STX18: variants seen among roughly 807,000 people sequenced by gnomAD.
STX18 encodes the protein syntaxin-18.
A neutral mutation model predicts 50.1 loss-of-function variants in STX18; 40 were observed. That is an observed-to-expected ratio of 0.80 (90% confidence interval 0.62 to 1.04). The LOEUF is 1.04. STX18 is among the 50% of genes least tolerant of loss of function. The pLI, the probability that STX18 is intolerant of heterozygous loss-of-function variation, is 0.00. For synonymous variants in STX18, 158 were observed against 151.8 expected, an observed-to-expected ratio of 1.04 and a Z score of -0.30; for missense variants, 410 against 415.8, an observed-to-expected ratio of 0.99 and a Z score of 0.12.
intron 1 of STX18, among the ~76,000 whole-genome samples, chr4:4,502,963 C>T (rs932209041): frequency 4.6e-5 from 7 of 152,156 alleles, no homozygotes; most frequent in African/African-American, 1.7e-4. Context: ...CAAAACAACG[C>T]TCAGAAATCC....
intron 9 of STX18, among the ~76,000 whole-genome samples, chr4:4,423,116 T>C (rs1044225481): frequency 1.6e-4 from 25 of 152,350 alleles, no homozygotes; most frequent in African/African-American, 5.5e-4. Flanking sequence ...TCGTGCTGGA[T>C]GCTTCTGCAG....
rs541587766 is a variant in STX18, at chr4:4,471,620, T to TA, written c.236+18dup. ...AAGAACACAGTCACCAAAGTCCTGGTAAAAAAATATGTACTTACCTATAAG... is the reference window on the plus strand; with the variant it reads ...AAGAACACAGTCACCAAAGTCCTGGTAAAAAAAATATGTACTTACCTATAAG... On this transcript the variant is annotated intron_variant, in intron 2 of 10. Transcript: ENST00000306200. The TA allele has an allele frequency of 1.4e-3, 2,182 of 1,512,998 alleles. 2 individuals are homozygous for TA. The highest frequency in any genetic ancestry group is 1.9e-3 in the Non-Finnish European group (2,096 of 1,127,272). The allele number at this position is 1,512,998 out of a possible 1,614,324, so 93.7% of individuals were successfully genotyped here.
intron 5 of STX18, among the ~76,000 whole-genome samples, 183 bp downstream of exon 5, chr4:4,457,008 G>A (rs1727111946): frequency 6.6e-6 from 1 of 152,142 alleles, no homozygotes; most frequent in Non-Finnish European, 1.5e-5. Flanking sequence ...GGTTTGTTGT[G>A]GGCCAATAAA....
chr4:4,475,261 G>C (rs1455867570), intron 1 of STX18, among the ~76,000 whole-genome samples: 1 of 152,180 alleles, frequency 6.6e-6, no homozygotes, highest in Non-Finnish European at 1.5e-5. Context: ...TATTAAAACA[G>C]AGTGCAGGTG....
At chr4:4,520,600 A>G (rs549602908) in intron 1 of STX18, among the ~76,000 whole-genome samples, 139 of 152,358 alleles carry the variant, frequency 9.1e-4, no homozygotes, top group African/African-American at 3.1e-3. Flanking sequence ...TCTTGAAGTT[A>G]AAGTTTTGTA....
intron 6 of STX18, among the ~76,000 whole-genome samples, chr4:4,435,873 C>T (rs11944031): frequency 2.3e-4 from 35 of 152,230 alleles, no homozygotes; most frequent in African/African-American, 7.5e-4. Flanking sequence ...CCCAGGATGA[C>T]GGTAAGAGGT....
chr4:4,470,307 T>C (rs1200993041), intron 2 of STX18, among the ~76,000 whole-genome samples: 2 of 152,144 alleles, frequency 1.3e-5, no homozygotes, highest in African/African-American at 4.8e-5. Context: ...GCAATACTCC[T>C]CTTCCTAGTT....
intron 1 of STX18, among the ~76,000 whole-genome samples, chr4:4,500,763 C>T (rs541306654): frequency 2.3e-4 from 35 of 152,286 alleles, no homozygotes; most frequent in East Asian, 9.6e-4. Flanking sequence ...TGGCCAGGCA[C>T]GGTGGCTCAC....
chr4:4,489,985 T>C (rs1728872128), intron 1 of STX18, among the ~76,000 whole-genome samples: 1 of 152,120 alleles, frequency 6.6e-6, no homozygotes, highest in Non-Finnish European at 1.5e-5. Flanking sequence ...CCTTTAACAG[T>C]TTTTCAGACA....
intron 1 of STX18, among the ~76,000 whole-genome samples, chr4:4,523,655 G>A (rs1434905302): frequency 6.6e-6 from 1 of 152,118 alleles, no homozygotes; most frequent in Non-Finnish European, 1.5e-5. Context: ...ATAGTAACGA[G>A]CTGAGTTCAG....
rs114468270 is a variant in STX18, at chr4:4,440,615, A to G, written c.498-2106T>C. Among the ~76,000 whole-genome samples, 1,049 of 152,352 alleles carry G rather than the reference A, an allele frequency of 6.9e-3. 12 individuals carry two copies. The highest frequency in any genetic ancestry group is 0.023 in the African/African-American group (976 of 41,580). On this transcript the variant is annotated intron_variant, in intron 5 of 10. Coordinates refer to ENST00000306200, the MANE Select transcript of STX18 (RefSeq NM_016930.4). ...ACTATATAAGTTTTCAGAGCCTTTA[A>G]TATGCTCAAATACATTTTGAATTTC... is the stretch of plus-strand genomic sequence containing the variant.
chr4:4,457,537 T>C (rs773738573), intron 3 of STX18, 37 bp from the exon 4 acceptor site: 3 of 1,502,318 alleles, frequency 2.0e-6, no homozygotes, highest in Non-Finnish European at 2.8e-6. Flanking sequence ...GCCTTCGCAC[T>C]CAATTATCCT....
chr4:4,445,781 T>C (rs972425891), intron 5 of STX18, among the ~76,000 whole-genome samples: 1 of 152,234 alleles, frequency 6.6e-6, no homozygotes, highest in Admixed American at 6.5e-5. Context: ...AAATTCAACA[T>C]AATCCCTATA....
At chr4:4,467,121 G>C (rs1170368980) in intron 2 of STX18, among the ~76,000 whole-genome samples, 6 of 152,138 alleles carry the variant, frequency 3.9e-5, no homozygotes, top group Non-Finnish European at 5.9e-5. Context: ...TTTTATAGCA[G>C]TAATGTTATC....
intron 2 of STX18, among the ~76,000 whole-genome samples, 199 bp downstream of exon 2, chr4:4,471,440 C>G (rs779250632): frequency 5.9e-5 from 9 of 152,160 alleles, no homozygotes; most frequent in Admixed American, 1.3e-4. Context: ...GAAGATATTG[C>G]TGTTGTGATT....
intron 5 of STX18, among the ~76,000 whole-genome samples, chr4:4,441,920 C>A (rs1417776940): frequency 6.6e-6 from 1 of 152,136 alleles, no homozygotes; most frequent in African/African-American, 2.4e-5. Context: ...GAATGATAGG[C>A]AGGTAAAAGA....
intron 1 of STX18, among the ~76,000 whole-genome samples, chr4:4,502,331 G>T (rs1729495503): frequency 6.6e-6 from 1 of 152,138 alleles, no homozygotes; most frequent in Non-Finnish European, 1.5e-5. Context: ...CTAAAACAAT[G>T]TAATTGGGAA....
At chr4:4,485,966 C>G (rs73086294) in intron 1 of STX18, among the ~76,000 whole-genome samples, 283 of 152,300 alleles carry the variant, frequency 1.9e-3, no homozygotes, top group African/African-American at 6.6e-3. Flanking sequence ...ATCCTTTGCT[C>G]TCTTAGAAGT....
chr4:4,498,331 T>C (rs1405557315), intron 1 of STX18, among the ~76,000 whole-genome samples: 1 of 152,158 alleles, frequency 6.6e-6, no homozygotes, highest in Non-Finnish European at 1.5e-5. Context: ...ATAAGATCAA[T>C]GATGATAATA....
Sources: gnomAD v4.1 joint callset for allele counts (sites outside exome capture counted in the v4.1 genomes callset) on GRCh38, gnomAD v4.1.1 for gene constraint, MANE v1.5 for transcripts, NCBI Gene and HGNC (gene_info 2026-07-23, HGNC 2026-07-21) for gene names.